TMEFF2: variants seen among roughly 807,000 people sequenced by gnomAD.
TMEFF2 encodes tomoregulin-2.
TMEFF2 carries 28 observed loss-of-function variants against 53.8 expected under a neutral mutation model. The observed-to-expected ratio is 0.52, with a 90% CI of 0.39 to 0.71. TMEFF2 has a LOEUF of 0.71. TMEFF2 is among the 30% of genes least tolerant of loss of function. The pLI is 0.00. For missense variants in TMEFF2, 353 were observed against 455.2 expected (o/e 0.78, Z 2.04); for synonymous variants, 162 against 166.3 (o/e 0.97, Z 0.20).
chr2:192,176,968 A>G (rs1026075077), intron 4 of TMEFF2: 5 of 151,278 alleles, frequency 3.3e-5, no homozygotes, highest in African/African-American at 1.2e-4. Context: ...TCTTTTGTTC[A>G]GTGTACTCCA....
chr2:192,018,228 C>A (rs1209922391), intron 5 of TMEFF2, among the ~76,000 whole-genome samples: 1 of 152,144 alleles, frequency 6.6e-6, no homozygotes, highest in Non-Finnish European at 1.5e-5. Context: ...AACAAATATT[C>A]TTTCTAATTG....
At chr2:192,109,738 T>C (rs1270412950) in intron 4 of TMEFF2, among the ~76,000 whole-genome samples, 2 of 152,102 alleles carry the variant, frequency 1.3e-5, no homozygotes, top group Non-Finnish European at 2.9e-5. Context: ...AACTCCAGAT[T>C]TTGATATGTG....
intron 9 of TMEFF2, among the ~76,000 whole-genome samples, chr2:191,953,300 C>T (rs1421980742): frequency 2.6e-5 from 4 of 152,144 alleles, no homozygotes; most frequent in African/African-American, 9.7e-5. Context: ...AGTACAACTA[C>T]TTGTATTTTT....
At chr2:192,131,655 TCTCTA>T (rs1358546842) in intron 4 of TMEFF2, among the ~76,000 whole-genome samples, 1 of 151,996 alleles carries the variant, frequency 6.6e-6, no homozygotes, top group African/African-American at 2.4e-5. Context: ...CTTCTCCGTG[TCTCTA>T]CTCTTTTCCC....
chr2:191,998,366 AAT>A, intron 6 of TMEFF2, 45 bp from the exon 7 acceptor site: 1 of 1,315,156 alleles, frequency 7.6e-7, no homozygotes, highest in Non-Finnish European at 1.1e-6. Flanking sequence ...CTGCTTCCTA[AAT>A]ATCTAATATC....
At chr2:192,033,824 G>A (rs1336527617) in intron 5 of TMEFF2, among the ~76,000 whole-genome samples, 1 of 152,092 alleles carries the variant, frequency 6.6e-6, no homozygotes, top group South Asian at 2.1e-4. Context: ...TTGTTAGTGA[G>A]AATTCTCTAG....
intron 5 of TMEFF2, among the ~76,000 whole-genome samples, chr2:192,056,097 A>C (rs183659217): frequency 6.6e-6 from 1 of 152,268 alleles, no homozygotes; most frequent in Admixed American, 6.5e-5. Flanking sequence ...ACTGCCACAT[A>C]ATCTTGTCTT....
At chr2:192,035,569 C>A (rs1027727152) in intron 5 of TMEFF2, among the ~76,000 whole-genome samples, 1 of 152,128 alleles carries the variant, frequency 6.6e-6, no homozygotes, top group African/African-American at 2.4e-5. Flanking sequence ...TTTCCCATTA[C>A]TTAGTCTGTC....
At chr2:192,128,221 C>G (rs920186222) in intron 4 of TMEFF2, among the ~76,000 whole-genome samples, 2 of 152,168 alleles carry the variant, frequency 1.3e-5, no homozygotes, top group African/African-American at 4.8e-5. Flanking sequence ...TATTTTTGCT[C>G]AATGTCTATA....
chr2:192,046,046 C>T (rs1458373331), intron 5 of TMEFF2, among the ~76,000 whole-genome samples: 1 of 152,114 alleles, frequency 6.6e-6, no homozygotes, highest in Non-Finnish European at 1.5e-5. Flanking sequence ...TACCATGTTT[C>T]CTGCCATCCT....
intron 4 of TMEFF2, among the ~76,000 whole-genome samples, chr2:192,120,360 CCA>C (rs1689520196): frequency 6.6e-6 from 1 of 152,178 alleles, no homozygotes; most frequent in Admixed American, 6.5e-5. Flanking sequence ...GAGCGAAATT[CCA>C]CCTCTTTTAA....
Position 192,194,501 on chromosome 2 carries a change from C to T in TMEFF2, c.24G>A (p.Arg8=). ...CGCAAAGTGTCCAGCTGCTGCACTG[C>T]CGCGGGGACTCCCACAGCACCATGA... MVLWESP[R]QCSSWTLCEG... The change falls in exon 1 of 10, where the codon CGG becomes CGA. Residue 8 remains arginine (R), a synonymous_variant. Coordinates refer to ENST00000272771, the MANE Select transcript of TMEFF2 (RefSeq NM_016192.4). This position sits in a 1 kb window ranked among gnomAD's most constrained non-coding sequence, Gnocchi z 4.2. 2 of 1,613,710 alleles carry T rather than the reference C, an allele frequency of 1.2e-6. No individual in the cohort carries two copies. The highest frequency in any genetic ancestry group is 8.5e-7 in the Non-Finnish European group (1 of 1,179,992).
intron 5 of TMEFF2, among the ~76,000 whole-genome samples, chr2:192,048,992 T>C (rs145790328): frequency 1.3e-4 from 20 of 152,180 alleles, no homozygotes; most frequent in African/African-American, 4.1e-4. Context: ...TACAAAGAAA[T>C]ATATTTTATA....
rs200259540 is a variant in TMEFF2 at position 191,964,312 on chromosome 2, TTTCC to T, written c.746-7938_746-7935del. Among the ~76,000 whole-genome samples the T allele has an allele frequency of 5.6e-3, 816 of 146,396 alleles. 17 individuals are homozygous for T. Among genetic ancestry groups the T allele is most frequent in the African/African-American group, 0.015 (548 of 37,616 alleles). ...CCTTCTTTCCTTCTTTCCTTCTTTCTTTCCTTCCTTCCTTTCTTTCCTTCTTTCT... is the reference window on the plus strand; with the variant it reads ...CCTTCTTTCCTTCTTTCCTTCTTTCTTTCCTTCCTTTCTTTCCTTCTTTCT... On this transcript the variant is annotated intron_variant, in intron 7 of 9. Transcript: ENST00000272771.
chr2:192,180,650 C>T (rs1440185570), intron 3 of TMEFF2, among the ~76,000 whole-genome samples: 1 of 151,668 alleles, frequency 6.6e-6, no homozygotes, highest in East Asian at 1.9e-4. Flanking sequence ...ATACCAAATG[C>T]CACTCTTAAG....
chr2:192,152,914 A>T (rs975636187), intron 4 of TMEFF2, among the ~76,000 whole-genome samples: 2 of 151,870 alleles, frequency 1.3e-5, no homozygotes, highest in African/African-American at 4.8e-5. Context: ...ATTTATCAGC[A>T]TGTACCATAA....
intron 4 of TMEFF2, among the ~76,000 whole-genome samples, chr2:192,060,578 G>T (rs1393369957): frequency 6.6e-6 from 1 of 152,020 alleles, no homozygotes; most frequent in Non-Finnish European, 1.5e-5. Flanking sequence ...GTACATGCAG[G>T]GCTGCAATAT....
chr2:191,964,317 TTC>T, intron 7 of TMEFF2, among the ~76,000 whole-genome samples: 1 of 141,680 alleles, frequency 7.1e-6, no homozygotes, highest in African/African-American at 2.8e-5. Context: ...CTTTCTTTCC[TTC>T]CTTCCTTTCT....
Position 192,147,985 on chromosome 2 carries a change from G to T in TMEFF2, c.439+31683C>A, listed in dbSNP as rs184142624. Among the ~76,000 whole-genome samples the T allele has an allele frequency of 5.3e-5, 8 of 152,132 alleles. No homozygotes were observed. The East Asian group carries it at 1.5e-3, about 29-fold the overall frequency. On this transcript the variant is annotated intron_variant, in intron 4 of 9. Transcript: ENST00000272771. ...TGAATAAACTCATAAAAATTCATTG[G>T]TAATGCCTGTTCCTCAATTAAGGAA...
Sources: gnomAD v4.1 joint callset for allele counts (sites outside exome capture counted in the v4.1 genomes callset) on GRCh38, gnomAD v4.1.1 for gene constraint, Gnocchi (gnomAD v3.1) non-coding constraint, MANE v1.5 for transcripts, NCBI Gene and HGNC (gene_info 2026-07-23, HGNC 2026-07-21) for gene names.